PPT1: variants seen among roughly 807,000 people sequenced by gnomAD.
PPT1 encodes the protein ceroid-palmitoyl-palmitoyl-protein thioesterase 1.
A neutral mutation model predicts 44.0 loss-of-function variants in PPT1; 24 were observed. The observed-to-expected ratio is 0.54, with a 90% CI of 0.39 to 0.77. PPT1 has a LOEUF of 0.77. Among genes scored for constraint, PPT1 ranks in the 30% least tolerant of loss-of-function variants. PPT1 has a pLI of 0.00. For synonymous variants in PPT1, 148 were observed against 140.2 expected (o/e 1.06, Z -0.39); for missense variants, 341 against 378.8 (o/e 0.90, Z 0.83).
At chr1:40,082,722 A>T (rs2124477016) in intron 5 of PPT1, among the ~76,000 whole-genome samples, 1 of 152,352 alleles carries the variant, frequency 6.6e-6, no homozygotes, top group Non-Finnish European at 1.5e-5. Context: ...GGAGTGCAAG[A>T]TGGGGCAGCA....
At chr1:40,081,498 T>C (rs925549595) in intron 5 of PPT1, among the ~76,000 whole-genome samples, 3 of 151,682 alleles carry the variant, frequency 2.0e-5, no homozygotes, top group African/African-American at 4.8e-5. Flanking sequence ...GATCACGCCA[T>C]TGCACTCCAG....
intron 1 of PPT1, 22 bp from the exon 2 acceptor site, chr1:40,092,529 T>C (rs1161483446): frequency 6.5e-7 from 1 of 1,527,868 alleles, no homozygotes; most frequent in East Asian, 2.2e-5. Flanking sequence ...AACACAATGA[T>C]GGAAACTCAT....
At position 40,073,873 on chromosome 1, in the gene PPT1, A is replaced by T; in HGVS notation, c.*188T>A. 1 of 796,350 alleles carries T rather than the reference A, an allele frequency of 1.3e-6. No homozygotes were observed. Among genetic ancestry groups the T allele is most frequent in the South Asian group, 1.6e-5 (1 of 62,422 alleles). 49.3% of individuals were successfully genotyped at this position (796,350 alleles called of 1,614,324 possible). On this transcript the variant is annotated 3_prime_UTR_variant, in exon 9 of 9. Coordinates refer to ENST00000642050, the MANE Select transcript of PPT1 (RefSeq NM_000310.4). ...GGTAATTAAACTTGCATTCAACACC[A>T]TATGGTAACAGAAGATGGCAAAGGA...
chr1:40,094,119 G>A (rs1225314216), intron 1 of PPT1: 2 of 579,138 alleles, frequency 3.5e-6, no homozygotes, highest in Non-Finnish European at 3.2e-6. Context: ...CCTATCACAG[G>A]GGATATTTGG....
intron 5 of PPT1, among the ~76,000 whole-genome samples, chr1:40,081,085 C>T (rs952596496): frequency 2.0e-5 from 3 of 152,176 alleles, no homozygotes; most frequent in African/African-American, 7.2e-5. Context: ...ACTTATCATG[C>T]TGATATGGTT....
chr1:40,096,028 G>A (rs1034505472), intron 1 of PPT1, among the ~76,000 whole-genome samples: 1 of 152,104 alleles, frequency 6.6e-6, no homozygotes, highest in African/African-American at 2.4e-5. Context: ...TGATCTGAAT[G>A]CTGTCCCTTG....
intron 5 of PPT1, among the ~76,000 whole-genome samples, chr1:40,081,881 G>A (rs969821531): frequency 2.0e-5 from 3 of 152,200 alleles, no homozygotes; most frequent in Non-Finnish European, 4.4e-5. Context: ...AAGAAGACAG[G>A]AAAATGTGGG....
At position 40,092,464 on chromosome 1, in the gene PPT1, T is replaced by C. The variant is rs1297271407; in HGVS notation, c.168A>G (p.Lys56=). Residue 56 remains lysine, a synonymous_variant, in exon 2 of 9, where the codon AAA becomes AAG. Transcript: ENST00000642050. ...TTCCAGGTATTTTCTTCTCCACCAT[T>C]TTTTTAATAGCACCCATGCTTAAGG... is the stretch of plus-strand genomic sequence containing the variant. ...CNPLSMGAIK[K]MVEKKIPGIY... is the part of the protein sequence containing the mutation. The C allele has an allele frequency of 6.2e-7, 1 of 1,613,810 alleles. No homozygotes were observed. Among genetic ancestry groups the C allele is most frequent in the South Asian group, 1.1e-5 (1 of 91,076 alleles).
intron 5 of PPT1, among the ~76,000 whole-genome samples, chr1:40,088,095 T>G (rs181538886): frequency 6.6e-6 from 1 of 151,726 alleles, no homozygotes; most frequent in African/African-American, 2.4e-5. Flanking sequence ...TATTAGTTGA[T>G]CCCAAACTCC....
intron 8 of PPT1, among the ~76,000 whole-genome samples, chr1:40,076,406 A>G (rs1648632603): frequency 6.6e-6 from 1 of 152,148 alleles, no homozygotes; most frequent in African/African-American, 2.4e-5. Flanking sequence ...CAGGGGTTGC[A>G]GTGAGCCAAG....
Position 40,091,376 on chromosome 1 carries a change from G to A in PPT1, c.386C>T (p.Pro129Leu), listed in dbSNP as rs758786265. 3 of 1,614,028 alleles carry A rather than the reference G, an allele frequency of 1.9e-6. No homozygotes were observed. The highest frequency in any genetic ancestry group is 1.7e-5 in the Admixed American group (1 of 60,012). The part of the protein sequence containing the change: ...QFLRAVAQRC[P>L]SPPMINLISV... The stretch of plus-strand genomic sequence containing the variant: ...GATCAGATTGATCATGGGAGGTGAA[G>A]GGCATCTCTGAGCCACTGCCCTCCT... The change falls in exon 4 of 9, where the codon CCT becomes CTT. Residue 129 changes from proline (P) to leucine (L), a missense_variant. Coordinates refer to ENST00000642050, the MANE Select transcript of PPT1 (RefSeq NM_000310.4).
chr1:40,093,788 G>A, intron 1 of PPT1: 1 of 479,280 alleles, frequency 2.1e-6, no homozygotes, highest in Non-Finnish European at 3.9e-6. Flanking sequence ...GGGGGCTGAG[G>A]CAGGAGAATC....
chr1:40,081,631 G>A (rs989071297), intron 5 of PPT1, among the ~76,000 whole-genome samples: 31 of 152,176 alleles, frequency 2.0e-4, no homozygotes, highest in Non-Finnish European at 4.1e-4. Context: ...ACCGTCATGT[G>A]AGATGTGCCT....
chr1:40,079,392 C>CTTTTTTTTTTTTT (rs11464192), intron 6 of PPT1, among the ~76,000 whole-genome samples: 15 of 90,118 alleles, frequency 1.7e-4, no homozygotes, highest in Non-Finnish European at 2.0e-4. Flanking sequence ...TTTTCTTTTC[C>CTTTTTTTTTTTTT]TTTTTTTTTT....
At chr1:40,082,769 G>T (rs2124477054) in intron 5 of PPT1, among the ~76,000 whole-genome samples, 1 of 152,370 alleles carries the variant, frequency 6.6e-6, no homozygotes, top group East Asian at 1.9e-4. Flanking sequence ...TTATCCAGGA[G>T]ATCTAGCTAA....
chr1:40,096,842 AC>A (rs1649877135), intron 1 of PPT1: 1 of 515,506 alleles, frequency 1.9e-6, no homozygotes, highest in Non-Finnish European at 3.5e-6. Context: ...CTGCATCCTG[AC>A]GCCACTACTG....
chr1:40,091,465 C>T lies in PPT1; in HGVS notation c.363-66G>A, dbSNP rs1649561306. On this transcript the variant is annotated intron_variant, in intron 3 of 8. Coordinates refer to ENST00000642050, the MANE Select transcript of PPT1 (RefSeq NM_000310.4). ...GAAATGTATCATCCACAATCAGCATCACAGATTAAGCTAGTCATCCTCTGT... is the reference window on the plus strand; with the variant it reads ...GAAATGTATCATCCACAATCAGCATTACAGATTAAGCTAGTCATCCTCTGT... 8 of 1,422,036 alleles carry T rather than the reference C, an allele frequency of 5.6e-6. No individual in the cohort carries two copies. In the African/African-American group the frequency reaches 9.9e-5, roughly 18 times the overall value. 88.1% of individuals were successfully genotyped at this position (1,422,036 alleles called of 1,614,324 possible).
At chr1:40,079,177 T>C (rs1478320935) in intron 6 of PPT1, among the ~76,000 whole-genome samples, 1 of 152,208 alleles carries the variant, frequency 6.6e-6, no homozygotes, top group Admixed American at 6.5e-5. Context: ...CAGGATTTCA[T>C]TCTTTTTTAT....
intron 4 of PPT1, among the ~76,000 whole-genome samples, chr1:40,090,088 G>A (rs1032769911): frequency 6.6e-6 from 1 of 152,178 alleles, no homozygotes; most frequent in Non-Finnish European, 1.5e-5. Flanking sequence ...TTTGGCCCCA[G>A]AGCCCACTCC....
Sources: gnomAD v4.1 joint callset for allele counts (sites outside exome capture counted in the v4.1 genomes callset) on GRCh38, gnomAD v4.1.1 for gene constraint, MANE v1.5 for transcripts, NCBI Gene and HGNC (gene_info 2026-07-23, HGNC 2026-07-21) for gene names.